Variants in EHD2 observed in about 807,000 individuals in gnomAD.
EHD2 encodes EH domain containing 2, also known as EH domain-containing protein 2.
Under a neutral mutation model 41.0 loss-of-function variants are expected in EHD2, and 27 were observed. That is an observed-to-expected ratio of 0.66 (90% CI 0.49 to 0.91). EHD2 has a LOEUF of 0.91. Among genes scored for constraint, EHD2 ranks in the 40% least tolerant of loss-of-function variants. The probability of loss-of-function intolerance (pLI) is 0.00; values close to 1 mark genes in which losing one functional copy is unlikely to be tolerated. For missense variants in EHD2, 673 were observed against 773.9 expected, an observed-to-expected ratio of 0.87 and a Z score of 1.55; for synonymous variants, 342 against 341.0, an observed-to-expected ratio of 1.00 and a Z score of -0.03.
chr19:47,718,553 G>T lies in EHD2; in HGVS notation c.449G>T (p.Ser150Ile). Residue 150 changes from serine (S) to isoleucine (I), a missense_variant, in exon 3 of 6, where the codon AGC becomes ATC. By Grantham distance (142) the Ser-to-Ile change is moderately radical. Coordinates refer to ENST00000263277, the MANE Select transcript of EHD2 (RefSeq NM_014601.4). ...CCTAATCAGGTCCTGGAGAGCATCA[G>T]CATCATCGACACCCCGGGTATCCTG... is the stretch of plus-strand genomic sequence containing the variant. The part of the protein sequence containing the change: ...QLPNQVLESI[S>I]IIDTPGILSG... The T allele has an allele frequency of 6.3e-7, 1 of 1,588,262 alleles. No homozygotes were observed.
At chr19:47,734,367 G>T (rs1966900394) in intron 4 of EHD2, among the ~76,000 whole-genome samples, 1 of 151,974 alleles carries the variant, frequency 6.6e-6, no homozygotes, top group Non-Finnish European at 1.5e-5. Context: ...AAGTAGGGGA[G>T]AGAGGGAGAG....
At chr19:47,720,581 G>A (rs1223528426) in intron 3 of EHD2, among the ~76,000 whole-genome samples, 1 of 152,152 alleles carries the variant, frequency 6.6e-6, no homozygotes, top group Non-Finnish European at 1.5e-5. Flanking sequence ...TGACGTGTGT[G>A]TGTGAGAGAG....
rs34254815 is a variant in EHD2, at chr19:47,733,751, C to CAAAAAAAAA, written c.916-2602_916-2594dup. ...TGGGTGACAGAGCAAGACTCTGTCT[C>CAAAAAAAAA]AAAAAAAAAAAAAAAAAAAAAAAAT... is the stretch of plus-strand genomic sequence containing the variant. On this transcript the variant is annotated intron_variant, in intron 4 of 5. Coordinates refer to ENST00000263277, the MANE Select transcript of EHD2 (RefSeq NM_014601.4). Among the ~76,000 whole-genome samples, 115 of 57,116 alleles carry CAAAAAAAAA rather than the reference C, an allele frequency of 2.0e-3. 10 individuals are homozygous for CAAAAAAAAA. The highest frequency in any genetic ancestry group is 9.8e-3 in the East Asian group (12 of 1,226). 37.5% of individuals were successfully genotyped at this position (57,116 alleles called of 152,430 possible). A position where few individuals can be genotyped will look rare whatever the true frequency, so the allele number is the denominator to read the frequency against.
intron 4 of EHD2, among the ~76,000 whole-genome samples, chr19:47,733,373 T>C (rs1966888380): frequency 6.6e-6 from 1 of 151,446 alleles, no homozygotes; most frequent in Admixed American, 6.6e-5. Context: ...GAAGAGAAGA[T>C]TAATAAATCA....
chr19:47,742,110 C>T lies in EHD2; in HGVS notation c.*678C>T. The stretch of plus-strand genomic sequence containing the variant: ...TGCTCGGGGAAAGCCCCCAATTCTG[C>T]CCACACCCATTTATTTCCTTCCTTC... On this transcript the variant is annotated 3_prime_UTR_variant, in exon 6 of 6. Transcript: ENST00000263277. 5.7e-6 allele frequency: 2 copies of T among 348,326 alleles called. No individual in the cohort carries two copies. The highest frequency in any genetic ancestry group is 2.1e-5 in the South Asian group (1 of 46,748). The allele number at this position is 348,326 out of a possible 1,614,324, so 21.6% of individuals were successfully genotyped here.
chr19:47,732,960 G>C (rs897066214), intron 4 of EHD2: 1 of 151,882 alleles, frequency 6.6e-6, no homozygotes, highest in Admixed American at 6.6e-5. Context: ...GTGCATGCCT[G>C]TGATCCCAGC....
intron 4 of EHD2, among the ~76,000 whole-genome samples, chr19:47,728,571 C>CTTTTTTTTTTTTTTT (rs761204748): frequency 7.6e-6 from 1 of 131,158 alleles, no homozygotes; most frequent in Non-Finnish European, 1.6e-5. Context: ...TTCTTTCTTT[C>CTTTTTTTTTTTTTTT]TTTTTTTTTT....
At chr19:47,724,076 C>T (rs183941425) in intron 3 of EHD2, among the ~76,000 whole-genome samples, 15 of 142,470 alleles carry the variant, frequency 1.1e-4, no homozygotes, top group African/African-American at 3.4e-4. Flanking sequence ...TTAATCTTCA[C>T]AACAGTCTTT....
chr19:47,742,033 G>A lies in EHD2; in HGVS notation c.*601G>A, dbSNP rs1447484370. The A allele has an allele frequency of 2.3e-6, 1 of 443,352 alleles. No individual in the cohort carries two copies. Among genetic ancestry groups the A allele is most frequent in the African/African-American group, 2.0e-5 (1 of 49,616 alleles). 27.5% of individuals were successfully genotyped at this position (443,352 alleles called of 1,614,324 possible). A position where few individuals can be genotyped will look rare whatever the true frequency, so the allele number is the denominator to read the frequency against. On this transcript the variant is annotated 3_prime_UTR_variant, in exon 6 of 6. Coordinates refer to ENST00000263277, the MANE Select transcript of EHD2 (RefSeq NM_014601.4). ...TCTCGGGACCATGGGGGGCTCAGAG[G>A]GGAGACACACCTACTGCTTCCTCAG...
rs59665711 is a variant in EHD2, at chr19:47,719,946, A to ATGTGTGTGTGTGTG, written c.502+1351_502+1364dup. On this transcript the variant is annotated intron_variant, in intron 3 of 5. Transcript: ENST00000263277. This position sits in a 1 kb window ranked among gnomAD's most constrained non-coding sequence, Gnocchi z 4.1. The stretch of plus-strand genomic sequence containing the variant: ...AGAGTGTCCAGCTGTTGGTGTGTAT[A>ATGTGTGTGTGTGTG]TGTGTGTGTGTGTGTGTGTGTGTGA... Among the ~76,000 whole-genome samples, 3,160 of 146,992 alleles carry ATGTGTGTGTGTGTG rather than the reference A, an allele frequency of 0.021. 134 individuals are homozygous for ATGTGTGTGTGTGTG. Among genetic ancestry groups the ATGTGTGTGTGTGTG allele is most frequent in the African/African-American group, 0.076 (2,961 of 39,114 alleles).
intron 4 of EHD2, among the ~76,000 whole-genome samples, chr19:47,727,831 C>T (rs973846425): frequency 2.0e-5 from 3 of 152,046 alleles, no homozygotes; most frequent in East Asian, 1.9e-4. Context: ...CGGTGGCTCA[C>T]GCCTGTAATC....
chr19:47,726,225 G>A lies in EHD2; in HGVS notation c.915+1G>A. On this transcript the variant is annotated splice_donor_variant, in intron 4 of 5. Transcript: ENST00000263277. LOFTEE classifies it high-confidence loss of function. Reference sequence around the variant, plus strand: ...GGTGAAGAGGGCCCGGCTGGTGCGAGTGAGTAGTCCTGAGGGCTGGGCGCG... The same window carrying A: ...GGTGAAGAGGGCCCGGCTGGTGCGAATGAGTAGTCCTGAGGGCTGGGCGCG... The A allele has an allele frequency of 6.7e-7, 1 of 1,503,644 alleles. No individual in the cohort carries two copies. Among genetic ancestry groups the A allele is most frequent in the Non-Finnish European group, 8.9e-7 (1 of 1,124,490 alleles). 93.1% of individuals were successfully genotyped at this position (1,503,644 alleles called of 1,614,324 possible).
At chr19:47,726,443 C>A (rs1973753506) in intron 4 of EHD2, 4 of 444,836 alleles carry the variant, frequency 9.0e-6, no homozygotes, top group Non-Finnish European at 1.5e-5. Flanking sequence ...ACCCTGGCTT[C>A]TCTGTCCTGG....
intron 3 of EHD2, among the ~76,000 whole-genome samples, chr19:47,721,160 T>TGGG (rs772923398): frequency 9.2e-6 from 1 of 108,842 alleles, no homozygotes; most frequent in African/African-American, 4.1e-5. Flanking sequence ...GATGTGCTAC[T>TGGG]GGGGGTGTGT....
rs1370168694 is a variant in EHD2, at chr19:47,742,829, G to A, written c.*1397G>A. 6.6e-6 allele frequency: 1 copy of A among 151,942 alleles called. No individual in the cohort carries two copies. The highest frequency in any genetic ancestry group is 1.5e-5 in the Non-Finnish European group (1 of 67,944). The allele number at this position is 151,942 out of a possible 1,614,324, so 9.4% of individuals were successfully genotyped here. The stretch of plus-strand genomic sequence containing the variant: ...AGCCCCTACGTAGAAAGGCCCCGGG[G>A]CTTTATTTTAGTCTCCTTTTCAGGG... On this transcript the variant is annotated 3_prime_UTR_variant, in exon 6 of 6. Coordinates refer to ENST00000263277, the MANE Select transcript of EHD2 (RefSeq NM_014601.4).
chr19:47,719,167 G>A lies in EHD2; in HGVS notation c.502+561G>A, dbSNP rs1304104416. ...GGAGCGGGCAGGAGCCGCACGTCTG[G>A]GCAGGCAGGAAGGATGGGAAGGGAG... On this transcript the variant is annotated intron_variant, in intron 3 of 5. Transcript: ENST00000263277. The surrounding 1 kb of genome is among the most constrained non-coding windows in gnomAD (Gnocchi z 4.1). 6.6e-6 allele frequency among the ~76,000 whole-genome samples: 1 copy of A among 152,172 alleles called. No individual in the cohort carries two copies. Among genetic ancestry groups the A allele is most frequent in the Non-Finnish European group, 1.5e-5 (1 of 68,016 alleles).
At chr19:47,736,267 A>T in intron 4 of EHD2, 102 bp from the exon 5 acceptor site, 1 of 1,110,048 alleles carries the variant, frequency 9.0e-7, no homozygotes, top group Non-Finnish European at 1.3e-6. Flanking sequence ...CCCAGCCCAG[A>T]CCAAGTAAAT....
intron 1 of EHD2, among the ~76,000 whole-genome samples, chr19:47,715,406 T>C (rs111745442): frequency 1.2e-3 from 187 of 152,190 alleles, no homozygotes; most frequent in Non-Finnish European, 2.0e-3. Context: ...CTGCTCTTCA[T>C]GGAGCAGCTC....
intron 3 of EHD2, 136 bp downstream of exon 3, chr19:47,718,742 G>GA (rs1237110197): frequency 5.6e-6 from 4 of 711,464 alleles, no homozygotes; most frequent in African/African-American, 4.7e-5. Context: ...CTGGGTCTGA[G>GA]GGAGGAGGGG....
Sources: gnomAD v4.1 joint callset for allele counts (sites outside exome capture counted in the v4.1 genomes callset) on GRCh38, gnomAD v4.1.1 for gene constraint, Gnocchi (gnomAD v3.1) non-coding constraint, MANE v1.5 for transcripts, NCBI Gene and HGNC (gene_info 2026-07-23, HGNC 2026-07-21) for gene names.